CCDC134: variants seen among roughly 807,000 people sequenced by gnomAD.
The protein encoded by CCDC134 is coiled-coil domain containing 134.
A neutral mutation model predicts 25.6 loss-of-function variants in CCDC134; 27 were observed. That is an observed-to-expected ratio of 1.05 (90% CI 0.78 to 1.45). The LOEUF (loss-of-function observed/expected upper bound fraction) is 1.45, where lower values mean the gene tolerates loss of function less well. Ranked by LOEUF, CCDC134 falls within the 40% of genes most tolerant of loss-of-function variation. CCDC134 has a pLI of 0.00. For missense variants in CCDC134, 261 were observed against 286.7 expected, an observed-to-expected ratio of 0.91 and a Z score of 0.65; for synonymous variants, 110 against 115.0, an observed-to-expected ratio of 0.96 and a Z score of 0.28.
At chr22:41,821,960 G>A (rs1434430129) in intron 6 of CCDC134, among the ~76,000 whole-genome samples, 1 of 152,152 alleles carries the variant, frequency 6.6e-6, no homozygotes, top group Non-Finnish European at 1.5e-5. Flanking sequence ...GAGGCTTGAG[G>A]AGAAGGTATG....
chr22:41,816,104 C>G (rs2076621656), intron 6 of CCDC134, among the ~76,000 whole-genome samples: 1 of 152,222 alleles, frequency 6.6e-6, no homozygotes, highest in Non-Finnish European at 1.5e-5. Flanking sequence ...ACCTGCCAAT[C>G]TTTGATGTTA....
intron 4 of CCDC134, among the ~76,000 whole-genome samples, chr22:41,812,015 T>C (rs1158866249): frequency 6.6e-6 from 1 of 152,116 alleles, no homozygotes; most frequent in Non-Finnish European, 1.5e-5. Flanking sequence ...TGTTGACCAG[T>C]AGAAGCACAT....
chr22:41,809,805 G>T, intron 2 of CCDC134, 74 bp from the exon 3 acceptor site: 1 of 1,588,910 alleles, frequency 6.3e-7, no homozygotes, highest in Non-Finnish European at 8.6e-7. Context: ...TCAGGAATGA[G>T]CCTTCTGAGG....
chr22:41,822,178 G>T (rs2148319662), intron 6 of CCDC134, among the ~76,000 whole-genome samples: 1 of 152,266 alleles, frequency 6.6e-6, no homozygotes, highest in Middle Eastern at 3.4e-3. Flanking sequence ...GATAAGGCTG[G>T]AGACGTAGCA....
At chr22:41,802,086 T>G (rs1303733576) in intron 1 of CCDC134, among the ~76,000 whole-genome samples, 2 of 152,234 alleles carry the variant, frequency 1.3e-5, no homozygotes, top group Non-Finnish European at 2.9e-5. Context: ...TTTTGCATTT[T>G]TTGTGATCTT....
chr22:41,806,797 C>T (rs1450607997), intron 1 of CCDC134, among the ~76,000 whole-genome samples: 4 of 152,064 alleles, frequency 2.6e-5, no homozygotes, highest in Non-Finnish European at 4.4e-5. Context: ...ACTGTAATCC[C>T]AGCACTTTGG....
At chr22:41,819,244 C>T (rs2076637458) in intron 6 of CCDC134, among the ~76,000 whole-genome samples, 1 of 152,210 alleles carries the variant, frequency 6.6e-6, no homozygotes, top group Non-Finnish European at 1.5e-5. Context: ...GTGTGCCAGC[C>T]ACTGTCCCTG....
chr22:41,809,881 A>G lies in CCDC134; in HGVS notation c.106A>G (p.Lys36Glu). Residue 36 changes from lysine (K) to glutamate (E), a missense_variant and splice_region_variant, in exon 3 of 7, where the codon AAG becomes GAG. Physicochemically the swap from Lys to Glu is moderately conservative, Grantham distance 56 (BLOSUM62 1). Coordinates refer to ENST00000255784, the MANE Select transcript of CCDC134 (RefSeq NM_024821.5). ...CCCCTTAACTTAATTCTGCCCAGAC[A>G]AGAAGATGTTTGAGGTGAAGCGGCG... is the stretch of plus-strand genomic sequence containing the variant. The part of the protein sequence containing the change: ...TSLDPSLEIY[K>E]KMFEVKRREQ... 1 of 1,614,160 alleles carries G rather than the reference A, an allele frequency of 6.2e-7. No individual in the cohort carries two copies. Among genetic ancestry groups the G allele is most frequent in the East Asian group, 2.2e-5 (1 of 44,884 alleles).
chr22:41,810,642 C>T (rs2076591388), intron 4 of CCDC134, among the ~76,000 whole-genome samples: 1 of 151,740 alleles, frequency 6.6e-6, no homozygotes, highest in Admixed American at 6.6e-5. Flanking sequence ...ACTACAGGCA[C>T]ATGCCGCCAC....
intron 1 of CCDC134, among the ~76,000 whole-genome samples, chr22:41,802,139 T>C (rs970917472): frequency 1.3e-5 from 2 of 152,128 alleles, no homozygotes; most frequent in Admixed American, 6.5e-5. Context: ...TTCACAACCT[T>C]CCTCGGTTTT....
chr22:41,802,411 G>A (rs1041095085), intron 1 of CCDC134, among the ~76,000 whole-genome samples: 10 of 152,208 alleles, frequency 6.6e-5, no homozygotes, highest in African/African-American at 2.2e-4. Context: ...GTGACTAGGA[G>A]TCAGTGTCAA....
At chr22:41,816,468 C>T (rs2076623249) in intron 6 of CCDC134, among the ~76,000 whole-genome samples, 1 of 152,192 alleles carries the variant, frequency 6.6e-6, no homozygotes, top group South Asian at 2.1e-4. Context: ...GTTTTCCTAT[C>T]ATGTGGATGG....
chr22:41,803,869 C>T (rs577802814), intron 1 of CCDC134, among the ~76,000 whole-genome samples: 4 of 152,154 alleles, frequency 2.6e-5, no homozygotes, highest in South Asian at 4.1e-4. Flanking sequence ...TGGTGGCTCA[C>T]GCCTGTAATC....
At chr22:41,812,640 T>G (rs573783163) in intron 4 of CCDC134, among the ~76,000 whole-genome samples, 1 of 107,650 alleles carries the variant, frequency 9.3e-6, no homozygotes, top group African/African-American at 2.6e-5. Flanking sequence ...TCTAAAGTAA[T>G]TAATTAATTA....
intron 1 of CCDC134, among the ~76,000 whole-genome samples, chr22:41,805,077 A>C (rs2076561691): frequency 6.6e-6 from 1 of 152,182 alleles, no homozygotes. Flanking sequence ...TCAAAATAAA[A>C]AAAAAAGAGA....
chr22:41,810,906 A>T (rs898066053), intron 4 of CCDC134, among the ~76,000 whole-genome samples: 1 of 152,134 alleles, frequency 6.6e-6, no homozygotes, highest in East Asian at 1.9e-4. Flanking sequence ...GGGGGAAGAC[A>T]CTGTTCTCTC....
intron 6 of CCDC134, among the ~76,000 whole-genome samples, chr22:41,816,056 T>A (rs2076621418): frequency 6.6e-6 from 1 of 152,208 alleles, no homozygotes; most frequent in African/African-American, 2.4e-5. Flanking sequence ...AAGACCAATC[T>A]GTTATCCACG....
At position 41,830,912 on chromosome 22, in the gene CCDC134, G is replaced by A. The variant is rs1352671739; in HGVS notation, c.*5089G>A. Among the ~76,000 whole-genome samples the A allele has an allele frequency of 4.1e-5, 5 of 121,728 alleles. No homozygotes were observed. The highest frequency in any genetic ancestry group is 6.7e-5 in the African/African-American group (2 of 29,688). 79.9% of individuals were successfully genotyped at this position (121,728 alleles called of 152,430 possible). ...TTTTTTTTTTTTTTTTTTTTGAGAC[G>A]CAGTCTCCTGTTGCCCAGGCTGGAG... On this transcript the variant is annotated 3_prime_UTR_variant, in exon 7 of 7. Coordinates refer to ENST00000255784, the MANE Select transcript of CCDC134 (RefSeq NM_024821.5).
chr22:41,829,929 A>G lies in CCDC134; in HGVS notation c.*4106A>G, dbSNP rs995425758. On this transcript the variant is annotated 3_prime_UTR_variant, in exon 7 of 7. Coordinates refer to ENST00000255784, the MANE Select transcript of CCDC134 (RefSeq NM_024821.5). ...GCTAGGACTACAGGTGCTTGCCACC[A>G]TGACCAGCTAATTTTTGTATTTTCA... Among the ~76,000 whole-genome samples, 1 of 152,142 alleles carries G rather than the reference A, an allele frequency of 6.6e-6. No individual in the cohort carries two copies. Among genetic ancestry groups the G allele is most frequent in the Admixed American group, 6.5e-5 (1 of 15,274 alleles).
Sources: gnomAD v4.1 joint callset for allele counts (sites outside exome capture counted in the v4.1 genomes callset) on GRCh38, gnomAD v4.1.1 for gene constraint, MANE v1.5 for transcripts, NCBI Gene and HGNC (gene_info 2026-07-23, HGNC 2026-07-21) for gene names.